The following FOXRED1 variants were observed in gnomAD, a reference collection of about 807,000 sequenced individuals.
The protein encoded by FOXRED1 is FAD-dependent oxidoreductase domain-containing protein 1.
In FOXRED1, 52 loss-of-function variants were observed where a neutral mutation model predicts 57.8. The observed-to-expected ratio is 0.90, with a 90% CI of 0.72 to 1.13. The LOEUF is 1.13. FOXRED1 is among the 50% of genes most tolerant of loss of function. The pLI, the probability that FOXRED1 is intolerant of heterozygous loss-of-function variation, is 0.00. For missense variants in FOXRED1, 589 were observed against 625.2 expected (o/e 0.94, Z 0.62); for synonymous variants, 271 against 248.3 (o/e 1.09, Z -0.86).
rs1233597113 is a variant in FOXRED1, at chr11:126,273,086, G to A, written c.417+7G>A. 9 of 1,443,350 alleles carry A rather than the reference G, an allele frequency of 6.2e-6. No homozygotes were observed. In the East Asian group the frequency reaches 1.8e-4, roughly 29 times the overall value. 89.4% of individuals were successfully genotyped at this position (1,443,350 alleles called of 1,614,324 possible). A position where few individuals can be genotyped will look rare whatever the true frequency, so the allele number is the denominator to read the frequency against. On this transcript the variant is annotated splice_region_variant and intron_variant, in intron 3 of 10. Transcript: ENST00000263578. This position sits in a 1 kb window ranked among gnomAD's most constrained non-coding sequence, Gnocchi z 5.9. ...CTTTCTACGGAACATCAATGTAGGT[G>A]CAATGATATCCGGGATGTTGGGGTG...
In FOXRED1 at chr11:126,272,744, T is replaced by C. The variant is rs1304334297; in HGVS notation, c.307-225T>C. 3.3e-6 allele frequency: 2 copies of C among 612,138 alleles called. No individual in the cohort carries two copies. Among genetic ancestry groups the C allele is most frequent in the African/African-American group, 1.8e-5 (1 of 54,500 alleles). The allele number at this position is 612,138 out of a possible 1,614,324, so 37.9% of individuals were successfully genotyped here. A position where few individuals can be genotyped will look rare whatever the true frequency, so the allele number is the denominator to read the frequency against. On this transcript the variant is annotated intron_variant, in intron 2 of 10. Coordinates refer to ENST00000263578, the MANE Select transcript of FOXRED1 (RefSeq NM_017547.4). This position sits in a 1 kb window ranked among gnomAD's most constrained non-coding sequence, Gnocchi z 4.6. ...AGGCCATTACCATTTTGTACCACTG[T>C]GTCAGCTCTTTCCAGATGACTGACC...
chr11:126,276,300 T>TG (rs1951135669), intron 8 of FOXRED1, 81 bp downstream of exon 8: 8 of 1,344,068 alleles, frequency 6.0e-6, no homozygotes, highest in South Asian at 1.3e-5. Flanking sequence ...TGTGTGTGTG[T>TG]GTGTGTGTGT....
intron 1 of FOXRED1, among the ~76,000 whole-genome samples, chr11:126,270,109 T>C (rs554177390): frequency 5.8e-4 from 89 of 152,268 alleles, no homozygotes; most frequent in African/African-American, 2.1e-3. Flanking sequence ...GGAGGATGTT[T>C]ACTGGCTTAA....
Position 126,273,141 on chromosome 11 carries a change from GCAGCC to G in FOXRED1, c.417+67_417+71del. The G allele has an allele frequency of 9.3e-7, 1 of 1,073,832 alleles. No individual in the cohort carries two copies. The highest frequency in any genetic ancestry group is 1.2e-5 in the South Asian group (1 of 80,492). The allele number at this position is 1,073,832 out of a possible 1,614,324, so 66.5% of individuals were successfully genotyped here. ...CCCCTCCTTTAGCCCAGAGTGGGGAGCAGCCCAGCTAGCAAGGTAGCCAGAGAGCA... is the reference window on the plus strand; with the variant it reads ...CCCCTCCTTTAGCCCAGAGTGGGGAGCAGCTAGCAAGGTAGCCAGAGAGCA... On this transcript the variant is annotated intron_variant, in intron 3 of 10. Transcript: ENST00000263578. The surrounding 1 kb of genome is among the most constrained non-coding windows in gnomAD (Gnocchi z 5.9).
At position 126,277,366 on chromosome 11, in the gene FOXRED1, C is replaced by T. The variant is rs1187631112; in HGVS notation, c.1207-69C>T. 1 of 1,573,500 alleles carries T rather than the reference C, an allele frequency of 6.4e-7. No individual in the cohort carries two copies. The highest frequency in any genetic ancestry group is 1.3e-5 in the African/African-American group (1 of 74,316). ...AGGTAGAGGGTACTCTGTGCTGAGCCCTGAGGGGAGTGAGGATGGAGTGTG... is the reference window on the plus strand; with the variant it reads ...AGGTAGAGGGTACTCTGTGCTGAGCTCTGAGGGGAGTGAGGATGGAGTGTG... On this transcript the variant is annotated intron_variant, in intron 10 of 10. Coordinates refer to ENST00000263578, the MANE Select transcript of FOXRED1 (RefSeq NM_017547.4). The surrounding 1 kb of genome is among the most constrained non-coding windows in gnomAD (Gnocchi z 6.8).
rs1951039683 is a variant in FOXRED1, at chr11:126,273,208, CCTT to C, written c.418-123_418-121del. On this transcript the variant is annotated intron_variant, in intron 3 of 10. Transcript: ENST00000263578. The surrounding 1 kb of genome is among the most constrained non-coding windows in gnomAD (Gnocchi z 5.9). ...GCCAACTAGGAGAGGGGGGCCCTGG[CCTT>C]CTTCCTAGTGGTGGTGCCGCAGGTC... The C allele has an allele frequency of 1.0e-6, 1 of 956,914 alleles. No homozygotes were observed. Among genetic ancestry groups the C allele is most frequent in the African/African-American group, 1.6e-5 (1 of 62,382 alleles). 59.3% of individuals were successfully genotyped at this position (956,914 alleles called of 1,614,324 possible).
chr11:126,276,792 C>G, intron 9 of FOXRED1: 2 of 487,116 alleles, frequency 4.1e-6, no homozygotes, highest in Non-Finnish European at 7.5e-6. Flanking sequence ...AGGAGAATCA[C>G]TGGAACCCGG....
Position 126,275,926 on chromosome 11 carries a change from GACTCTCCTTGTTTTGGTTTTCTTTGACCC to G in FOXRED1, c.810+60_810+88del. 2.0e-6 allele frequency: 3 copies of G among 1,533,580 alleles called. No homozygotes were observed. The Admixed American group carries it at 5.0e-5, about 26-fold the overall frequency. The allele number at this position is 1,533,580 out of a possible 1,614,324, so 95.0% of individuals were successfully genotyped here. Reference sequence around the variant, plus strand: ...AAAATGGAGGGACAGGGAAGGTAGTGACTCTCCTTGTTTTGGTTTTCTTTGACCCACTTTCCAGTATGGGTAAACTAAGG... The same window carrying G: ...AAAATGGAGGGACAGGGAAGGTAGTGACTTTCCAGTATGGGTAAACTAAGG... On this transcript the variant is annotated intron_variant, in intron 7 of 10. Coordinates refer to ENST00000263578, the MANE Select transcript of FOXRED1 (RefSeq NM_017547.4). The surrounding 1 kb of genome is among the most constrained non-coding windows in gnomAD (Gnocchi z 5.9).
In FOXRED1 at chr11:126,275,846, C is replaced by A; in HGVS notation, c.786C>A (p.Val262=). 1 of 1,612,356 alleles carries A rather than the reference C, an allele frequency of 6.2e-7. No individual in the cohort carries two copies. The highest frequency in any genetic ancestry group is 8.5e-7 in the Non-Finnish European group (1 of 1,178,488). Residue 262 remains valine, a synonymous_variant, in exon 7 of 11, where the codon GTC becomes GTA. Coordinates refer to ENST00000263578, the MANE Select transcript of FOXRED1 (RefSeq NM_017547.4). The surrounding 1 kb of genome is among the most constrained non-coding windows in gnomAD (Gnocchi z 5.9). ...RMLTTDDKAV[V]LKRIHEVHVK... ...TGACCACAGATGACAAAGCGGTGGT[C>A]TTGAAAAGGATCCATGAAGTCCATG... is the stretch of plus-strand genomic sequence containing the variant.
chr11:126,275,311 C>T lies in FOXRED1; in HGVS notation c.632-16C>T. 6.3e-7 allele frequency: 1 copy of T among 1,583,408 alleles called. No individual in the cohort carries two copies. Among genetic ancestry groups the T allele is most frequent in the Non-Finnish European group, 8.7e-7 (1 of 1,152,130 alleles). ...GTCCTCATCCCTCTTTGTGAGTTCT[C>T]TTTTTCTTATCACAGGGATGGAGGA... On this transcript the variant is annotated splice_polypyrimidine_tract_variant and intron_variant, in intron 5 of 10. Coordinates refer to ENST00000263578, the MANE Select transcript of FOXRED1 (RefSeq NM_017547.4). The surrounding 1 kb of genome is among the most constrained non-coding windows in gnomAD (Gnocchi z 5.9).
At chr11:126,276,940 T>G in intron 9 of FOXRED1, 131 bp from the exon 10 acceptor site, 1 of 734,834 alleles carries the variant, frequency 1.4e-6, no homozygotes, top group Non-Finnish European at 2.5e-6. Flanking sequence ...TTAATTGATA[T>G]TAGAGCCCCC....
chr11:126,272,921 CAT>C lies in FOXRED1; in HGVS notation c.307-47_307-46del, dbSNP rs764093077. The C allele has an allele frequency of 9.9e-6, 9 of 905,184 alleles. No homozygotes were observed. The highest frequency in any genetic ancestry group is 2.4e-5 in the East Asian group (1 of 41,778). The allele number at this position is 905,184 out of a possible 1,614,324, so 56.1% of individuals were successfully genotyped here. ...AGCTTTCATTGCAGTATTCTAGTCA[CAT>C]GTGATAGGGTACTGGTCTACCTCAA... On this transcript the variant is annotated intron_variant, in intron 2 of 10. Coordinates refer to ENST00000263578, the MANE Select transcript of FOXRED1 (RefSeq NM_017547.4). This position sits in a 1 kb window ranked among gnomAD's most constrained non-coding sequence, Gnocchi z 4.6.
At chr11:126,276,023 C>G (rs779189406) in intron 7 of FOXRED1, 36 bp from the exon 8 acceptor site, 2 of 1,612,332 alleles carry the variant, frequency 1.2e-6, no homozygotes, top group Non-Finnish European at 8.5e-7. Context: ...GTGTGTGGTC[C>G]GGGCCTTCCC....
chr11:126,277,777 G>T lies in FOXRED1; in HGVS notation c.*88G>T. On this transcript the variant is annotated 3_prime_UTR_variant, in exon 11 of 11. Transcript: ENST00000263578. The surrounding 1 kb of genome is among the most constrained non-coding windows in gnomAD (Gnocchi z 6.8). Reference sequence around the variant, plus strand: ...CTGCTTCCATCTTCCCCAGTACTGTGCCAGGCCTTCTCCCCCTCCCCAGTG... The same window carrying T: ...CTGCTTCCATCTTCCCCAGTACTGTTCCAGGCCTTCTCCCCCTCCCCAGTG... The T allele has an allele frequency of 7.0e-7, 1 of 1,432,986 alleles. No homozygotes were observed. 88.8% of individuals were successfully genotyped at this position (1,432,986 alleles called of 1,614,324 possible).
rs1180460501 is a variant in FOXRED1, at chr11:126,277,705, A to G, written c.*16A>G. On this transcript the variant is annotated 3_prime_UTR_variant, in exon 11 of 11. Coordinates refer to ENST00000263578, the MANE Select transcript of FOXRED1 (RefSeq NM_017547.4). This position sits in a 1 kb window ranked among gnomAD's most constrained non-coding sequence, Gnocchi z 6.8. ...CATCATCTGAGCATGTGTGCTCTGC[A>G]CTGGCTCCACTGGCTTGCATCCTGG... The G allele has an allele frequency of 7.4e-6, 12 of 1,612,280 alleles. No individual in the cohort carries two copies. The highest frequency in any genetic ancestry group is 1.0e-5 in the Non-Finnish European group (12 of 1,179,226).
rs1245337651 is a variant in FOXRED1 at position 126,277,900 on chromosome 11, T to C, written c.*211T>C. On this transcript the variant is annotated 3_prime_UTR_variant, in exon 11 of 11. Coordinates refer to ENST00000263578, the MANE Select transcript of FOXRED1 (RefSeq NM_017547.4). The surrounding 1 kb of genome is among the most constrained non-coding windows in gnomAD (Gnocchi z 6.8). ...CGAGTGATGAGCGGGATCCTAGGAC[T>C]GATCTGTAGCCCATGCTGATGTCAC... 3 of 689,222 alleles carry C rather than the reference T, an allele frequency of 4.4e-6. No individual in the cohort carries two copies. The allele number at this position is 689,222 out of a possible 1,614,324, so 42.7% of individuals were successfully genotyped here.
In FOXRED1 at chr11:126,273,629, C is replaced by T. The variant is rs192191971; in HGVS notation, c.536+175C>T. 1,051 of 660,148 alleles carry T rather than the reference C, an allele frequency of 1.6e-3. 3 individuals carry two copies. The highest frequency in any genetic ancestry group is 2.0e-3 in the Non-Finnish European group (710 of 359,690). 40.9% of individuals were successfully genotyped at this position (660,148 alleles called of 1,614,324 possible). Reference sequence around the variant, plus strand: ...GCAATGCCCTGGGAGTGCTGTACCACAGATATGGACAAAACACTGCGAGGT... The same window carrying T: ...GCAATGCCCTGGGAGTGCTGTACCATAGATATGGACAAAACACTGCGAGGT... On this transcript the variant is annotated intron_variant, in intron 4 of 10. Coordinates refer to ENST00000263578, the MANE Select transcript of FOXRED1 (RefSeq NM_017547.4). This position sits in a 1 kb window ranked among gnomAD's most constrained non-coding sequence, Gnocchi z 5.9.
In FOXRED1 at chr11:126,271,954, A is replaced by T. The variant is rs1317697891; in HGVS notation, c.306+297A>T. 8 of 366,602 alleles carry T rather than the reference A, an allele frequency of 2.2e-5. No individual in the cohort carries two copies. The highest frequency in any genetic ancestry group is 1.5e-4 in the South Asian group (6 of 40,242). 22.7% of individuals were successfully genotyped at this position (366,602 alleles called of 1,614,324 possible). ...CATTCAAGCTATAATTAAGTGTCTC[A>T]ATTTTCTCTTTTTTTTTTTTTTTTT... is the stretch of plus-strand genomic sequence containing the variant. On this transcript the variant is annotated intron_variant, in intron 2 of 10. Coordinates refer to ENST00000263578, the MANE Select transcript of FOXRED1 (RefSeq NM_017547.4). The surrounding 1 kb of genome is among the most constrained non-coding windows in gnomAD (Gnocchi z 5.3).
Position 126,272,903 on chromosome 11 carries a change from A to T in FOXRED1, c.307-66A>T. On this transcript the variant is annotated intron_variant, in intron 2 of 10. Transcript: ENST00000263578. The surrounding 1 kb of genome is among the most constrained non-coding windows in gnomAD (Gnocchi z 4.6). Reference sequence around the variant, plus strand: ...TTTAGGTGTATAGCTCGAAGCTTTCATTGCAGTATTCTAGTCACATGTGAT... The same window carrying T: ...TTTAGGTGTATAGCTCGAAGCTTTCTTTGCAGTATTCTAGTCACATGTGAT... The T allele has an allele frequency of 1.2e-6, 1 of 841,238 alleles. No homozygotes were observed. The highest frequency in any genetic ancestry group is 1.7e-5 in the African/African-American group (1 of 60,480). The allele number at this position is 841,238 out of a possible 1,614,324, so 52.1% of individuals were successfully genotyped here. A position where few individuals can be genotyped will look rare whatever the true frequency, so the allele number is the denominator to read the frequency against.
Sources: allele counts gnomAD v4.1 joint callset (sites outside exome capture counted in the v4.1 genomes callset), GRCh38; gene constraint gnomAD v4.1.1; non-coding constraint Gnocchi (gnomAD v3.1); transcripts MANE v1.5; gene names NCBI Gene and HGNC (gene_info 2026-07-23, HGNC 2026-07-21).